The following GOLM1 variants were observed in gnomAD, a reference collection of about 807,000 sequenced individuals.
GOLM1 encodes the protein epididymis luminal protein 46.
Under a neutral mutation model 50.5 loss-of-function variants are expected in GOLM1, and 31 were observed. The observed-to-expected ratio is 0.61, with a 90% CI of 0.46 to 0.83. The LOEUF (loss-of-function observed/expected upper bound fraction) is 0.83, where lower values mean the gene tolerates loss of function less well. GOLM1 is among the 40% of genes least tolerant of loss of function. GOLM1 has a pLI of 0.00. For synonymous variants in GOLM1, 178 were observed against 192.8 expected, an observed-to-expected ratio of 0.92 and a Z score of 0.64; for missense variants, 491 against 501.3, an observed-to-expected ratio of 0.98 and a Z score of 0.20.
intron 4 of GOLM1, among the ~76,000 whole-genome samples, chr9:86,051,537 T>C (rs1833752217): frequency 1.3e-5 from 2 of 152,270 alleles, no homozygotes; most frequent in South Asian, 4.1e-4. Context: ...GCTTTATGAA[T>C]CTGGGGCACG....
In GOLM1 at chr9:86,094,031, C is replaced by T. The variant is rs148983388; in HGVS notation, c.-22+5380G>A. On this transcript the variant is annotated intron_variant, in intron 1 of 9. Transcript: ENST00000388712. ...TGAGCAAACAGACCTGAGCACACCCCGGCGCAGCCTGGAGTCCGGGAAAGA... is the reference window on the plus strand; with the variant it reads ...TGAGCAAACAGACCTGAGCACACCCTGGCGCAGCCTGGAGTCCGGGAAAGA... Among the ~76,000 whole-genome samples, 431 of 152,310 alleles carry T rather than the reference C, an allele frequency of 2.8e-3. 3 individuals carry two copies. The highest frequency in any genetic ancestry group is 0.01 in the African/African-American group (418 of 41,568).
chr9:86,077,815 A>G (rs1380013238), intron 2 of GOLM1: 2 of 509,174 alleles, frequency 3.9e-6, no homozygotes, highest in Non-Finnish European at 6.9e-6. Context: ...CTGTGCACTC[A>G]CACCACACTT....
intron 3 of GOLM1, among the ~76,000 whole-genome samples, chr9:86,062,191 G>A (rs10115658): frequency 2.2e-3 from 338 of 152,242 alleles, no homozygotes; most frequent in African/African-American, 7.7e-3. Context: ...CACCTCGCTG[G>A]GAGAGTGCAG....
chr9:86,092,325 C>T (rs1018671992), intron 1 of GOLM1, among the ~76,000 whole-genome samples: 19 of 152,196 alleles, frequency 1.2e-4, no homozygotes, highest in African/African-American at 4.6e-4. Flanking sequence ...TGCATGTTTT[C>T]CTTCCATAAC....
intron 1 of GOLM1, among the ~76,000 whole-genome samples, chr9:86,091,559 C>G: frequency 6.6e-6 from 1 of 152,102 alleles, no homozygotes; most frequent in East Asian, 1.9e-4. Flanking sequence ...ACTAAATTTT[C>G]TAACAATATA....
At chr9:86,066,216 A>G (rs1834303734) in intron 3 of GOLM1, among the ~76,000 whole-genome samples, 1 of 152,164 alleles carries the variant, frequency 6.6e-6, no homozygotes, top group Non-Finnish European at 1.5e-5. Flanking sequence ...CTCAGAAGAC[A>G]CTCAAGAACG....
intron 8 of GOLM1, among the ~76,000 whole-genome samples, chr9:86,034,004 G>A (rs536625109): frequency 1.0e-4 from 15 of 146,662 alleles, no homozygotes; most frequent in Admixed American, 1.4e-4. Flanking sequence ...TCACTCTGTC[G>A]CCCAGGCTGG....
rs1175663168 is a variant in GOLM1 at position 86,029,044 on chromosome 9, A to T, written c.1130-1151T>A. Among the ~76,000 whole-genome samples the T allele has an allele frequency of 2.0e-5, 3 of 151,914 alleles. No homozygotes were observed. The East Asian group carries it at 5.8e-4, about 29-fold the overall frequency. ...CTTTTTGTTGTTGTAGTTTTAGTAG[A>T]GGCGGGTTTTCACCCTGTTAGCCAG... is the stretch of plus-strand genomic sequence containing the variant. On this transcript the variant is annotated intron_variant, in intron 9 of 9. Transcript: ENST00000388712.
Position 86,027,698 on chromosome 9 carries a change from ATCATC to A in GOLM1, c.*114_*118del. On this transcript the variant is annotated 3_prime_UTR_variant, in exon 10 of 10. Coordinates refer to ENST00000388712, the MANE Select transcript of GOLM1 (RefSeq NM_016548.4). ...AAGTGCATACTAAAATTTCACAATA[ATCATC>A]TTCAGATGTACATTTTATTTAGTAC... is the stretch of plus-strand genomic sequence containing the variant. 7.0e-7 allele frequency: 1 copy of A among 1,434,196 alleles called. No homozygotes were observed. The highest frequency in any genetic ancestry group is 1.6e-5 in the South Asian group (1 of 63,758). 88.8% of individuals were successfully genotyped at this position (1,434,196 alleles called of 1,614,324 possible).
intron 3 of GOLM1, among the ~76,000 whole-genome samples, chr9:86,056,966 A>G (rs562751639): frequency 1.3e-5 from 2 of 152,300 alleles, no homozygotes; most frequent in African/African-American, 4.8e-5. Context: ...GTGCTGGGCC[A>G]TAATTCAACA....
intron 3 of GOLM1, among the ~76,000 whole-genome samples, chr9:86,062,119 G>A (rs1033784001): frequency 6.6e-6 from 1 of 152,164 alleles, no homozygotes; most frequent in East Asian, 1.9e-4. Flanking sequence ...TCCCTGTGTT[G>A]TCACAGGGAA....
At chr9:86,051,844 A>C (rs1010686279) in intron 4 of GOLM1, among the ~76,000 whole-genome samples, 1 of 152,200 alleles carries the variant, frequency 6.6e-6, no homozygotes, top group Non-Finnish European at 1.5e-5. Flanking sequence ...AGACTTTTTA[A>C]TATTCTTAGA....
chr9:86,062,141 C>T (rs992181289), intron 3 of GOLM1, among the ~76,000 whole-genome samples: 3 of 152,196 alleles, frequency 2.0e-5, no homozygotes, highest in Admixed American at 6.5e-5. Context: ...GTAACATCCT[C>T]CCACCCCATC....
chr9:86,045,674 G>GA (rs1174542328), intron 5 of GOLM1, among the ~76,000 whole-genome samples: 13,770 of 94,124 alleles, frequency 0.15, 1,761 homozygotes, highest in East Asian at 0.44. Context: ...CTCCGCTCAA[G>GA]AAAAAAAAAA....
intron 2 of GOLM1, 119 bp downstream of exon 2, chr9:86,079,073 G>C: frequency 1.2e-6 from 1 of 857,018 alleles, no homozygotes; most frequent in Non-Finnish European, 1.7e-6. Flanking sequence ...CCTTACAAGC[G>C]TGTGCCCTGC....
intron 4 of GOLM1, among the ~76,000 whole-genome samples, chr9:86,046,970 T>C (rs1048085639): frequency 2.1e-5 from 3 of 141,452 alleles, no homozygotes; most frequent in Admixed American, 2.1e-4. Flanking sequence ...CATCCTTCCA[T>C]CTGTAAAACA....
At chr9:86,037,087 G>C (rs191966516) in intron 6 of GOLM1, among the ~76,000 whole-genome samples, 1 of 152,342 alleles carries the variant, frequency 6.6e-6, no homozygotes, top group Admixed American at 6.5e-5. Context: ...TAAATAACCA[G>C]TGAGTCCAAC....
chr9:86,033,028 T>C lies in GOLM1; in HGVS notation c.1129+254A>G, dbSNP rs557676870. On this transcript the variant is annotated intron_variant, in intron 9 of 9. Transcript: ENST00000388712. Reference sequence around the variant, plus strand: ...AATGTCACTGAAAAATCATCCTACTTAAAGAGTTGAGCCACACTGAATATG... The same window carrying C: ...AATGTCACTGAAAAATCATCCTACTCAAAGAGTTGAGCCACACTGAATATG... Among the ~76,000 whole-genome samples the C allele has an allele frequency of 1.6e-4, 25 of 152,258 alleles. No individual in the cohort carries two copies. In the South Asian group the frequency reaches 5.0e-3, roughly 30 times the overall value.
chr9:86,026,830 CTA>C lies in GOLM1; in HGVS notation c.*985_*986del. ...ATTTACCACAAGCTAAATGTGTACA[CTA>C]TGATAAAAACAACCATTGTATTCCT... On this transcript the variant is annotated 3_prime_UTR_variant, in exon 10 of 10. Transcript: ENST00000388712. 4 of 979,254 alleles carry C rather than the reference CTA, an allele frequency of 4.1e-6. No homozygotes were observed. The allele number at this position is 979,254 out of a possible 1,614,324, so 60.7% of individuals were successfully genotyped here. A position where few individuals can be genotyped will look rare whatever the true frequency, so the allele number is the denominator to read the frequency against.
Sources: gnomAD v4.1 joint callset for allele counts (sites outside exome capture counted in the v4.1 genomes callset) on GRCh38, gnomAD v4.1.1 for gene constraint, MANE v1.5 for transcripts, NCBI Gene and HGNC (gene_info 2026-07-23, HGNC 2026-07-21) for gene names.